Variants in ANK3 observed in about 807,000 individuals in gnomAD.
The protein encoded by ANK3 is ankyrin-3.
A neutral mutation model predicts 370.9 loss-of-function variants in ANK3; 57 were observed. The observed-to-expected ratio is 0.15, with a 90% CI of 0.12 to 0.19. ANK3 has a LOEUF of 0.19. ANK3 is among the 10% of genes least tolerant of loss of function. The probability of loss-of-function intolerance (pLI) is 1.00; values close to 1 mark genes in which losing one functional copy is unlikely to be tolerated. For missense variants in ANK3, 4,439 were observed against 5,302.1 expected, an observed-to-expected ratio of 0.84 and a Z score of 5.06; for synonymous variants, 1,929 against 1,946.3, an observed-to-expected ratio of 0.99 and a Z score of 0.23.
At chr10:60,656,864 C>A (rs914798494) in intron 1 of ANK3, among the ~76,000 whole-genome samples, 1 of 152,016 alleles carries the variant, frequency 6.6e-6, no homozygotes, top group Non-Finnish European at 1.5e-5. Context: ...CTCAAGAAAT[C>A]CCCCTGCTTC....
intron 2 of ANK3, among the ~76,000 whole-genome samples, chr10:60,503,915 T>A (rs565593976): frequency 9.9e-5 from 15 of 152,250 alleles, no homozygotes; most frequent in African/African-American, 3.1e-4. Context: ...TCCCAAGTAA[T>A]GTGATACCTT....
chr10:60,083,385 T>A (rs1388389597), intron 33 of ANK3, 107 bp downstream of exon 33: 1 of 1,228,790 alleles, frequency 8.1e-7, no homozygotes, highest in Non-Finnish European at 1.1e-6. Context: ...TGAGTTCAGA[T>A]TTGACGGGGT....
chr10:60,358,316 A>C (rs891890110), intron 1 of ANK3, among the ~76,000 whole-genome samples: 1 of 152,188 alleles, frequency 6.6e-6, no homozygotes, highest in African/African-American at 2.4e-5. Flanking sequence ...TAGATAGGGC[A>C]TGCAATCATA....
chr10:60,068,896 A>G lies in ANK3; in HGVS notation c.11985T>C (p.His3995=). The G allele has an allele frequency of 1.2e-6, 2 of 1,614,086 alleles. No homozygotes were observed. The highest frequency in any genetic ancestry group is 8.5e-7 in the Non-Finnish European group (1 of 1,180,010). ...TAATTCCCTTAAAATATTCAATGGAATGTTTACATACTTCCTTGAGCTGAC... is the reference window on the plus strand; with the variant it reads ...TAATTCCCTTAAAATATTCAATGGAGTGTTTACATACTTCCTTGAGCTGAC... ...RKSQLKEVCK[H]SIEYFKGISG... Residue 3995 remains histidine (H), a synonymous_variant, in exon 37 of 44, where the codon CAT becomes CAC. Coordinates refer to ENST00000280772, the MANE Select transcript of ANK3 (RefSeq NM_020987.5).
At position 60,389,456 on chromosome 10, in the gene ANK3, T is replaced by C; in HGVS notation, c.83A>G (p.His28Arg). Residue 28 changes from histidine (H) to arginine (R), a missense_variant, in exon 1 of 44, where the codon CAC (histidine) becomes CGC (arginine). Around this residue, in one of 13 missense-constraint regions of ANK3, gnomAD observed 54 missense variants for 52.7 expected, o/e 1.02. Transcript: ENST00000280772. The stretch of plus-strand genomic sequence containing the variant: ...CTTCCGATCCCGGGACCGTTTGCGG[T>C]GTTTCCTTTTTTTCTCAGGCTCTTC... ...AEEEPEKKRK[H>R]RKRSRDRKKK... 1 of 1,614,024 alleles carries C rather than the reference T, an allele frequency of 6.2e-7. No homozygotes were observed. The highest frequency in any genetic ancestry group is 1.1e-5 in the South Asian group (1 of 91,066).
Position 60,166,818 on chromosome 10 carries a change from T to C in ANK3, c.2551+6A>G. ...ATTATTGTGAACTCAAAGAACATTT[T>C]CATACCTTCATCATCAGACATATCA... On this transcript the variant is annotated splice_donor_region_variant and intron_variant, in intron 22 of 43. Transcript: ENST00000280772. The C allele has an allele frequency of 1.9e-6, 3 of 1,613,508 alleles. No individual in the cohort carries two copies. The highest frequency in any genetic ancestry group is 2.5e-6 in the Non-Finnish European group (3 of 1,179,504).
chr10:60,655,048 T>C (rs1183475622), intron 1 of ANK3, among the ~76,000 whole-genome samples: 1 of 152,132 alleles, frequency 6.6e-6, no homozygotes, highest in Non-Finnish European at 1.5e-5. Context: ...AAGACTGGTG[T>C]AAACAAAGCT....
At chr10:60,207,104 G>C (rs533114835) in intron 10 of ANK3, among the ~76,000 whole-genome samples, 8 of 152,186 alleles carry the variant, frequency 5.3e-5, no homozygotes, top group Non-Finnish European at 1.2e-4. Context: ...GACTGGGTGG[G>C]TCAACAGACT....
chr10:60,522,340 T>A (rs1336787507), intron 2 of ANK3, among the ~76,000 whole-genome samples: 1 of 113,592 alleles, frequency 8.8e-6, no homozygotes, highest in Non-Finnish European at 1.9e-5. Flanking sequence ...GGGTTCCATA[T>A]TGAGACTTTT....
chr10:60,498,785 A>T (rs780757044), intron 2 of ANK3, among the ~76,000 whole-genome samples: 12 of 152,230 alleles, frequency 7.9e-5, no homozygotes, highest in Non-Finnish European at 1.6e-4. Flanking sequence ...TGTCATGTAA[A>T]CTGCCATTCA....
chr10:60,350,111 GC>G (rs1454753914), intron 1 of ANK3, among the ~76,000 whole-genome samples: 1 of 152,216 alleles, frequency 6.6e-6, no homozygotes, highest in Non-Finnish European at 1.5e-5. Flanking sequence ...GGCAGATAAT[GC>G]TTTGTCCTTG....
At chr10:60,398,471 GTA>G (rs1238366786) in intron 2 of ANK3, among the ~76,000 whole-genome samples, 1 of 152,026 alleles carries the variant, frequency 6.6e-6, no homozygotes, top group Non-Finnish European at 1.5e-5. Context: ...ATACACACAG[GTA>G]TATGTGATAT....
upstream of ANK3, among the ~76,000 whole-genome samples, chr10:60,390,853 CAA>C (rs1302131785): frequency 6.6e-6 from 1 of 150,732 alleles, no homozygotes; most frequent in Non-Finnish European, 1.5e-5. Context: ...GCTTCCGATA[CAA>C]AAGTCCATAA....
intron 2 of ANK3, among the ~76,000 whole-genome samples, chr10:60,440,704 G>A (rs1257535123): frequency 1.3e-5 from 2 of 152,182 alleles, no homozygotes; most frequent in East Asian, 1.9e-4. Flanking sequence ...ATCTTTAGGA[G>A]TGGGGAACAG....
At chr10:60,421,362 A>G (rs2063775155) in intron 2 of ANK3, among the ~76,000 whole-genome samples, 1 of 151,976 alleles carries the variant, frequency 6.6e-6, no homozygotes, top group Non-Finnish European at 1.5e-5. Context: ...AAAAAAGTGG[A>G]GAAAAAAGGG....
At chr10:60,342,406 G>C (rs1374045484) in intron 1 of ANK3, among the ~76,000 whole-genome samples, 1 of 152,108 alleles carries the variant, frequency 6.6e-6, no homozygotes, top group Non-Finnish European at 1.5e-5. Flanking sequence ...CAGAGGGGAA[G>C]GCTGGTTAAG....
chr10:60,676,913 G>C (rs2079133250), intron 1 of ANK3, among the ~76,000 whole-genome samples: 1 of 152,146 alleles, frequency 6.6e-6, no homozygotes, highest in African/African-American at 2.4e-5. Context: ...CCAATACAAA[G>C]AAATGATAAA....
intron 16 of ANK3, among the ~76,000 whole-genome samples, chr10:60,188,020 C>T (rs959309484): frequency 6.6e-5 from 10 of 152,242 alleles, no homozygotes; most frequent in South Asian, 2.1e-4. Flanking sequence ...TAGTGGCACT[C>T]TTTTGTTTAT....
At chr10:60,390,738 A>G (rs2063027010), upstream of ANK3, among the ~76,000 whole-genome samples, 2 of 90,636 alleles carry the variant, frequency 2.2e-5, no homozygotes, top group South Asian at 1.2e-3. Flanking sequence ...GAACACACAC[A>G]CACACACACA....
Sources: allele counts gnomAD v4.1 joint callset (sites outside exome capture counted in the v4.1 genomes callset), GRCh38; gene constraint gnomAD v4.1.1; regional missense constraint gnomAD v4.1.1; transcripts MANE v1.5; gene names NCBI Gene and HGNC (gene_info 2026-07-23, HGNC 2026-07-21).